CCSER1: variants seen among roughly 807,000 people sequenced by gnomAD.
CCSER1 encodes the protein coiled-coil serine rich protein 1.
A neutral mutation model predicts 82.0 loss-of-function variants in CCSER1; 41 were observed. The ratio of observed to expected loss-of-function variants is 0.50; its 90% CI spans 0.39 to 0.65. The LOEUF (loss-of-function observed/expected upper bound fraction) is 0.65. Ranked by LOEUF, CCSER1 falls within the 30% of genes least tolerant of loss-of-function variation. The probability of loss-of-function intolerance (pLI) is 0.00; values close to 1 mark genes in which losing one functional copy is unlikely to be tolerated. For missense variants in CCSER1, 1,119 were observed against 1,064.2 expected (o/e 1.05, Z -0.72); for synonymous variants, 414 against 383.9 (o/e 1.08, Z -0.92).
chr4:90,192,899 T>G, intron 1 of CCSER1, among the ~76,000 whole-genome samples: 1 of 152,062 alleles, frequency 6.6e-6, no homozygotes, highest in East Asian at 1.9e-4. Flanking sequence ...GCTACATCTC[T>G]AAACTAAAAA....
chr4:91,526,146 A>G (rs1359358923), intron 10 of CCSER1, among the ~76,000 whole-genome samples: 1 of 152,156 alleles, frequency 6.6e-6, no homozygotes, highest in Non-Finnish European at 1.5e-5. Flanking sequence ...GTCCCATAAG[A>G]AAATATTTTA....
At chr4:90,919,537 A>G (rs2150235074) in intron 8 of CCSER1, among the ~76,000 whole-genome samples, 1 of 152,108 alleles carries the variant, frequency 6.6e-6, no homozygotes, top group African/African-American at 2.4e-5. Context: ...TATTATTAGT[A>G]GTAATAATTA....
chr4:91,301,540 G>GTATATA (rs71596557), intron 10 of CCSER1, among the ~76,000 whole-genome samples: 2 of 146,636 alleles, frequency 1.4e-5, no homozygotes, highest in African/African-American at 5.0e-5. Flanking sequence ...ATAAAATATA[G>GTATATA]TATATATATA....
chr4:90,357,139 G>T (rs1744511042), intron 3 of CCSER1, among the ~76,000 whole-genome samples: 2 of 151,734 alleles, frequency 1.3e-5, no homozygotes, highest in African/African-American at 4.8e-5. Context: ...TTTAATTATA[G>T]AATTTCAGTG....
intron 10 of CCSER1, among the ~76,000 whole-genome samples, chr4:91,517,375 C>T (rs909954395): frequency 2.0e-5 from 3 of 152,112 alleles, no homozygotes; most frequent in South Asian, 4.2e-4. Context: ...CCTTCAATGC[C>T]TAGTCATTTG....
At chr4:91,233,299 A>C (rs1738763759) in intron 10 of CCSER1, among the ~76,000 whole-genome samples, 1 of 151,964 alleles carries the variant, frequency 6.6e-6, no homozygotes, top group African/African-American at 2.4e-5. Flanking sequence ...ATTTTAATAA[A>C]AATGTGCCAT....
intron 1 of CCSER1, among the ~76,000 whole-genome samples, chr4:90,291,388 C>T (rs750755195): frequency 2.0e-5 from 3 of 152,006 alleles, no homozygotes; most frequent in Non-Finnish European, 2.9e-5. Context: ...TTCCAAGATG[C>T]AAAATCCCCA....
At chr4:90,745,966 C>T (rs1476999028) in intron 7 of CCSER1, among the ~76,000 whole-genome samples, 5 of 152,080 alleles carry the variant, frequency 3.3e-5, no homozygotes, top group African/African-American at 7.2e-5. Context: ...TCCCAAAGTG[C>T]TGGGGTTACA....
intron 10 of CCSER1, among the ~76,000 whole-genome samples, chr4:91,341,827 G>A (rs1346481218): frequency 5.3e-5 from 8 of 152,182 alleles, no homozygotes; most frequent in East Asian, 1.9e-4. Context: ...ATGAACCACC[G>A]CACTTGGCCT....
chr4:91,150,128 A>G (rs1730008203), intron 10 of CCSER1, among the ~76,000 whole-genome samples: 1 of 152,090 alleles, frequency 6.6e-6, no homozygotes. Flanking sequence ...ATGTTCCTCC[A>G]TTTGTTTGTA....
At chr4:90,683,393 C>T (rs1734240851) in intron 6 of CCSER1, among the ~76,000 whole-genome samples, 1 of 151,958 alleles carries the variant, frequency 6.6e-6, no homozygotes, top group African/African-American at 2.4e-5. Context: ...AATCATATTA[C>T]TCTTAAGTTA....
intron 10 of CCSER1, among the ~76,000 whole-genome samples, chr4:91,326,917 T>C (rs896400278): frequency 2.6e-5 from 4 of 152,132 alleles, no homozygotes; most frequent in African/African-American, 9.7e-5. Context: ...ATGTCTCACA[T>C]CCAGGCCACT....
intron 8 of CCSER1, among the ~76,000 whole-genome samples, chr4:90,885,409 A>G (rs1208152098): frequency 2.0e-5 from 3 of 152,212 alleles, no homozygotes; most frequent in Non-Finnish European, 2.9e-5. Flanking sequence ...TAGAGAATTT[A>G]CAATTTATGA....
chr4:91,060,936 T>G (rs1743898637), intron 9 of CCSER1, among the ~76,000 whole-genome samples: 1 of 152,096 alleles, frequency 6.6e-6, no homozygotes, highest in South Asian at 2.1e-4. Flanking sequence ...TTAGTGATAT[T>G]GTTGGTTTTT....
chr4:91,204,251 C>T (rs1227161221), intron 10 of CCSER1, among the ~76,000 whole-genome samples: 1 of 151,772 alleles, frequency 6.6e-6, no homozygotes, highest in Admixed American at 6.6e-5. Context: ...CTGTACAGGG[C>T]ACAATGTAGA....
intron 10 of CCSER1, among the ~76,000 whole-genome samples, chr4:91,537,216 T>C (rs1352987207): frequency 6.6e-6 from 1 of 152,094 alleles, no homozygotes; most frequent in Non-Finnish European, 1.5e-5. Flanking sequence ...TGAGACTTGC[T>C]TAGGTCAAGT....
chr4:90,198,282 C>A (rs1434599845), intron 1 of CCSER1, among the ~76,000 whole-genome samples: 6 of 152,026 alleles, frequency 3.9e-5, no homozygotes, highest in Non-Finnish European at 7.4e-5. Flanking sequence ...CTGGCAAATA[C>A]TCCCCCATCC....
At chr4:91,315,505 AG>A (rs1273255018) in intron 10 of CCSER1, among the ~76,000 whole-genome samples, 3 of 151,984 alleles carry the variant, frequency 2.0e-5, no homozygotes, top group African/African-American at 7.2e-5. Flanking sequence ...ATATCATAGT[AG>A]CTTAACACTA....
At chr4:90,479,712 T>A (rs1211880187) in intron 5 of CCSER1, among the ~76,000 whole-genome samples, 1 of 152,196 alleles carries the variant, frequency 6.6e-6, no homozygotes, top group East Asian at 1.9e-4. Flanking sequence ...GAACTCATCC[T>A]TTTTTATGGC....
Sources: allele counts gnomAD v4.1 joint callset (sites outside exome capture counted in the v4.1 genomes callset), GRCh38; gene constraint gnomAD v4.1.1; transcripts MANE v1.5; gene names NCBI Gene and HGNC (gene_info 2026-07-23, HGNC 2026-07-21).